Variants in SLC7A14 observed in about 807,000 individuals in gnomAD.
SLC7A14 encodes gamma-aminobutyric acid transporter SLC7A14.
Under a neutral mutation model 60.2 loss-of-function variants are expected in SLC7A14, and 37 were observed. The ratio of observed to expected loss-of-function variants is 0.61; its 90% CI spans 0.47 to 0.81. SLC7A14 has a LOEUF of 0.81. Ranked by LOEUF, SLC7A14 falls within the 30% of genes least tolerant of loss-of-function variation. SLC7A14 has a pLI of 0.00. For missense variants in SLC7A14, 886 were observed against 982.7 expected (o/e 0.90, Z 1.32); for synonymous variants, 399 against 395.8 (o/e 1.01, Z -0.10).
At chr3:170,480,163 G>C (rs1470089967) in intron 7 of SLC7A14, 126 bp downstream of exon 7, 1 of 910,590 alleles carries the variant, frequency 1.1e-6, no homozygotes, top group Non-Finnish European at 1.6e-6. Context: ...GGAACACAAG[G>C]GTCCATAGAA....
intron 1 of SLC7A14, among the ~76,000 whole-genome samples, chr3:170,549,402 A>G (rs1306192421): frequency 1.3e-5 from 2 of 152,008 alleles, no homozygotes; most frequent in African/African-American, 2.4e-5. Context: ...TTTTGTAGAG[A>G]CAGGGTTTCA....
Position 170,484,538 on chromosome 3 carries a change from C to A in SLC7A14, c.907-1016G>T, listed in dbSNP as rs9867002. Among the ~76,000 whole-genome samples the A allele has an allele frequency of 2.7e-3, 406 of 152,302 alleles. 3 individuals are homozygous for A. Among genetic ancestry groups the A allele is most frequent in the African/African-American group, 8.8e-3 (367 of 41,554 alleles). ...GGCCAGATATGGGGGGCCCCCCAGG[C>A]CTATGAAGGCCAAATTGACATCAAG... On this transcript the variant is annotated intron_variant, in intron 5 of 7. Coordinates refer to ENST00000231706, the MANE Select transcript of SLC7A14 (RefSeq NM_020949.3).
chr3:170,485,280 A>G (rs1288508514), intron 5 of SLC7A14, among the ~76,000 whole-genome samples: 5 of 152,166 alleles, frequency 3.3e-5, no homozygotes, highest in Non-Finnish European at 7.3e-5. Context: ...CTTCTAGAAC[A>G]ATCCTGTTTG....
intron 2 of SLC7A14, among the ~76,000 whole-genome samples, chr3:170,512,171 A>G (rs895421249): frequency 6.6e-6 from 1 of 152,164 alleles, no homozygotes; most frequent in Admixed American, 6.5e-5. Flanking sequence ...GGGATCAGCC[A>G]TACCCCCTGC....
At chr3:170,539,813 T>C (rs1448564770) in intron 1 of SLC7A14, among the ~76,000 whole-genome samples, 3 of 152,240 alleles carry the variant, frequency 2.0e-5, no homozygotes, top group African/African-American at 7.2e-5. Context: ...GAATCTTATA[T>C]ATACTTAAAG....
rs200599026 is a variant in SLC7A14, at chr3:170,563,413, G to GTTTTT, written c.-153+22497_-153+22498insAAAAA. Among the ~76,000 whole-genome samples, 228 of 111,252 alleles carry GTTTTT rather than the reference G, an allele frequency of 2.0e-3. 5 individuals are homozygous for GTTTTT. The highest frequency in any genetic ancestry group is 2.9e-3 in the Non-Finnish European group (164 of 57,144). 73.0% of individuals were successfully genotyped at this position (111,252 alleles called of 152,430 possible). ...TCAGTTCAACAAACACTGTTTGTTT[G>GTTTTT]TTTGTTTTTTTTTTTTTTTTTTGAG... is the stretch of plus-strand genomic sequence containing the variant. On this transcript the variant is annotated intron_variant, in intron 1 of 7. Transcript: ENST00000231706.
intron 1 of SLC7A14, among the ~76,000 whole-genome samples, chr3:170,574,812 A>T (rs1715044562): frequency 6.6e-6 from 1 of 152,210 alleles, no homozygotes; most frequent in Non-Finnish European, 1.5e-5. Context: ...CTTGGGAAAT[A>T]GCAGTATAGT....
rs1739745701 is a variant in SLC7A14, at chr3:170,467,315, C to T, written c.2056G>A (p.Glu686Lys). Reference protein sequence around the residue: ...NSTLEISAREEALHQSTYQRY... With the variant: ...NSTLEISAREKALHQSTYQRY... ...TGGTACGTGCTTTGGTGCAGGGCCT[C>T]TTCTCGAGCGCTGATTTCCAGGGTG... The change falls in exon 8 of 8, where the codon GAG becomes AAG. Residue 686 changes from glutamate to lysine, a missense_variant. Physicochemically the swap from Glu to Lys is moderately conservative, Grantham distance 56. Coordinates refer to ENST00000231706, the MANE Select transcript of SLC7A14 (RefSeq NM_020949.3). 2 of 1,613,520 alleles carry T rather than the reference C, an allele frequency of 1.2e-6. No homozygotes were observed. Among genetic ancestry groups the T allele is most frequent in the African/African-American group, 1.3e-5 (1 of 74,892 alleles).
At chr3:170,494,092 G>A (rs1334006145) in intron 4 of SLC7A14, among the ~76,000 whole-genome samples, 1 of 152,204 alleles carries the variant, frequency 6.6e-6, no homozygotes, top group Admixed American at 6.5e-5. Flanking sequence ...CCAAACCCAG[G>A]TGGCAGTGGG....
At chr3:170,498,618 A>G (rs1712486071) in intron 4 of SLC7A14, 49 bp downstream of exon 4, 2 of 1,570,496 alleles carry the variant, frequency 1.3e-6, no homozygotes, top group African/African-American at 1.4e-5. Context: ...GTCACAGGGT[A>G]GAAGGCAGAG....
At chr3:170,568,888 T>C (rs561841968) in intron 1 of SLC7A14, among the ~76,000 whole-genome samples, 94 of 152,352 alleles carry the variant, frequency 6.2e-4, no homozygotes, top group Middle Eastern at 3.4e-3. Flanking sequence ...TGAAGTTGCT[T>C]ATCAGCTTAA....
At chr3:170,485,897 C>T (rs912321959) in intron 5 of SLC7A14, among the ~76,000 whole-genome samples, 4 of 152,146 alleles carry the variant, frequency 2.6e-5, no homozygotes, top group African/African-American at 7.2e-5. Flanking sequence ...CACATCCACC[C>T]GTTACTGCCA....
chr3:170,468,331 T>C (rs1739782434), intron 7 of SLC7A14, among the ~76,000 whole-genome samples: 1 of 152,098 alleles, frequency 6.6e-6, no homozygotes, highest in Non-Finnish European at 1.5e-5. Flanking sequence ...AGGGTCTCAC[T>C]CTGTTGTCCA....
chr3:170,521,848 G>C lies in SLC7A14; in HGVS notation c.304+4785C>G, dbSNP rs571612857. On this transcript the variant is annotated intron_variant, in intron 2 of 7. Transcript: ENST00000231706. Reference sequence around the variant, plus strand: ...AGGCAGAAGAGTCGCTTGAACCTGGGAGGTGGAGGTTGTGGTGAGCCGAGA... The same window carrying C: ...AGGCAGAAGAGTCGCTTGAACCTGGCAGGTGGAGGTTGTGGTGAGCCGAGA... Among the ~76,000 whole-genome samples the C allele has an allele frequency of 4.6e-5, 7 of 152,232 alleles. No individual in the cohort carries two copies. The South Asian group carries it at 1.5e-3, about 32-fold the overall frequency.
At chr3:170,583,675 T>G (rs565963198) in intron 1 of SLC7A14, among the ~76,000 whole-genome samples, 2 of 152,250 alleles carry the variant, frequency 1.3e-5, no homozygotes, top group Non-Finnish European at 2.9e-5. Flanking sequence ...TAATTCTAAA[T>G]ATGAAAGTAC....
At chr3:170,558,406 A>G (rs1045467081) in intron 1 of SLC7A14, among the ~76,000 whole-genome samples, 7 of 152,126 alleles carry the variant, frequency 4.6e-5, no homozygotes, top group African/African-American at 1.7e-4. Context: ...AAACAAACAA[A>G]TAAATAAAGT....
At chr3:170,557,002 C>G (rs1051660153) in intron 1 of SLC7A14, among the ~76,000 whole-genome samples, 2 of 152,090 alleles carry the variant, frequency 1.3e-5, no homozygotes, top group Admixed American at 6.6e-5. Flanking sequence ...CTTTTCTGGT[C>G]CCTCAAAGAT....
At chr3:170,482,088 GA>G in intron 6 of SLC7A14, among the ~76,000 whole-genome samples, 1 of 152,138 alleles carries the variant, frequency 6.6e-6, no homozygotes, top group East Asian at 1.9e-4. Context: ...CAGTAATTGA[GA>G]AACTGTGCTC....
At chr3:170,479,258 TC>T (rs1158794594) in intron 7 of SLC7A14, among the ~76,000 whole-genome samples, 2 of 152,166 alleles carry the variant, frequency 1.3e-5, no homozygotes, top group African/African-American at 4.8e-5. Context: ...ACTCTTCTAT[TC>T]CCCAGAGCTT....
Sources: allele counts gnomAD v4.1 joint callset (sites outside exome capture counted in the v4.1 genomes callset), GRCh38; gene constraint gnomAD v4.1.1; transcripts MANE v1.5; gene names NCBI Gene and HGNC (gene_info 2026-07-23, HGNC 2026-07-21).